The following GRB10 variants were observed in gnomAD, a reference collection of about 807,000 sequenced individuals.
GRB10 encodes the protein growth factor receptor-bound protein 10.
A neutral mutation model predicts 80.9 loss-of-function variants in GRB10; 20 were observed. That is an observed-to-expected ratio of 0.25 (90% CI 0.17 to 0.36). GRB10 has a LOEUF of 0.36. GRB10 is among the 10% of genes least tolerant of loss of function. The pLI is 1.00. For synonymous variants in GRB10, 291 were observed against 291.5 expected (o/e 1.00, Z 0.02); for missense variants, 548 against 747.7 (o/e 0.73, Z 3.12).
intron 17 of GRB10, among the ~76,000 whole-genome samples, chr7:50,599,183 G>A (rs1310645213): frequency 1.3e-5 from 2 of 152,188 alleles, no homozygotes; most frequent in Non-Finnish European, 2.9e-5. Context: ...GGTGGGGACG[G>A]GGATGGGAGG....
In GRB10 at chr7:50,766,844, C is replaced by T. The variant is rs557887710; in HGVS notation, c.-216-10788G>A. Among the ~76,000 whole-genome samples the T allele has an allele frequency of 3.3e-5, 5 of 152,336 alleles. No individual in the cohort carries two copies. In the South Asian group the frequency reaches 1.0e-3, roughly 32 times the overall value. On this transcript the variant is annotated intron_variant, in intron 2 of 18. Coordinates refer to ENST00000401949, the MANE Select transcript of GRB10 (RefSeq NM_001350814.2). ...CATTAGTACATTCAGTAAGTAACTACTGTGTGTTCTAGGTTTTCAGGGTAA... is the reference window on the plus strand; with the variant it reads ...CATTAGTACATTCAGTAAGTAACTATTGTGTGTTCTAGGTTTTCAGGGTAA...
At chr7:50,630,651 C>T (rs562754572) in intron 7 of GRB10, among the ~76,000 whole-genome samples, 1 of 152,326 alleles carries the variant, frequency 6.6e-6, no homozygotes, top group South Asian at 2.1e-4. Context: ...AGAAAAGCCA[C>T]CCCTCAAATC....
chr7:50,708,521 G>T (rs891393247), intron 4 of GRB10, among the ~76,000 whole-genome samples: 1 of 152,152 alleles, frequency 6.6e-6, no homozygotes, highest in African/African-American at 2.4e-5. Context: ...CCAGGTGCAG[G>T]GTAATGAACA....
intron 3 of GRB10, among the ~76,000 whole-genome samples, chr7:50,733,966 T>C (rs552731651): frequency 6.6e-6 from 1 of 152,352 alleles, no homozygotes; most frequent in Admixed American, 6.5e-5. Flanking sequence ...AAACTCCTGC[T>C]TGAGTTTCCA....
At chr7:50,709,731 A>G (rs1033604098) in intron 4 of GRB10, among the ~76,000 whole-genome samples, 2 of 152,024 alleles carry the variant, frequency 1.3e-5, no homozygotes, top group African/African-American at 4.8e-5. Context: ...GAAAATGGTG[A>G]GCTGTGCTGT....
intron 3 of GRB10, among the ~76,000 whole-genome samples, chr7:50,751,591 C>T (rs1341619652): frequency 6.6e-6 from 1 of 152,188 alleles, no homozygotes; most frequent in East Asian, 1.9e-4. Context: ...CAAAGGGGCA[C>T]TGGGAAGTGT....
intron 7 of GRB10, among the ~76,000 whole-genome samples, chr7:50,640,589 G>C (rs1193880463): frequency 6.6e-6 from 1 of 152,198 alleles, no homozygotes; most frequent in East Asian, 1.9e-4. Flanking sequence ...CCTTGAGTCA[G>C]ACATTGCTAC....
rs1405753144 is a variant in GRB10 at position 50,591,149 on chromosome 7, T to C, written c.*1803A>G. 1 of 152,256 alleles carries C rather than the reference T, an allele frequency of 6.6e-6. No homozygotes were observed. Among genetic ancestry groups the C allele is most frequent in the Non-Finnish European group, 1.5e-5 (1 of 68,044 alleles). The allele number at this position is 152,256 out of a possible 1,614,324, so 9.4% of individuals were successfully genotyped here. On this transcript the variant is annotated 3_prime_UTR_variant, in exon 19 of 19. Transcript: ENST00000401949. ...ACTGTCAATAGTTTGAAAGACTGAC[T>C]GGCTGCGAAAGGAAGAAAATGCAAT...
intron 5 of GRB10, among the ~76,000 whole-genome samples, chr7:50,700,358 G>A (rs1005979036): frequency 2.0e-5 from 3 of 151,968 alleles, no homozygotes; most frequent in Non-Finnish European, 2.9e-5. Context: ...CAGTTTTCTT[G>A]ATGCTGTTTT....
chr7:50,785,001 G>A (rs2078633901), upstream of GRB10, among the ~76,000 whole-genome samples: 1 of 152,228 alleles, frequency 6.6e-6, no homozygotes, highest in Admixed American at 6.5e-5. Flanking sequence ...AGGGACACAG[G>A]TCTCTGGACC....
At chr7:50,697,590 C>A (rs2063597159) in intron 5 of GRB10, among the ~76,000 whole-genome samples, 1 of 152,194 alleles carries the variant, frequency 6.6e-6, no homozygotes. Flanking sequence ...AGGATCCAGG[C>A]CACTCTGGAT....
intron 8 of GRB10, among the ~76,000 whole-genome samples, chr7:50,622,054 G>C (rs1030711386): frequency 6.6e-6 from 1 of 152,160 alleles, no homozygotes; most frequent in Non-Finnish European, 1.5e-5. Flanking sequence ...TGCAGCCCTT[G>C]GGCCACTCCC....
chr7:50,708,222 G>A (rs1169917077), intron 4 of GRB10, among the ~76,000 whole-genome samples: 1 of 152,188 alleles, frequency 6.6e-6, no homozygotes. Flanking sequence ...ATGGCAGTAA[G>A]AACAAAATTT....
At chr7:50,747,415 G>C (rs1487075333) in intron 3 of GRB10, among the ~76,000 whole-genome samples, 4 of 152,178 alleles carry the variant, frequency 2.6e-5, no homozygotes, top group Admixed American at 1.3e-4. Flanking sequence ...CTTTCTTCCA[G>C]TGCTTCTTTG....
chr7:50,768,952 G>A (rs79078944), intron 2 of GRB10, among the ~76,000 whole-genome samples: 1,709 of 152,278 alleles, frequency 0.011, 25 homozygotes, highest in African/African-American at 0.038. Flanking sequence ...GCCAAAGGGA[G>A]AAAAGTGGAG....
chr7:50,637,286 A>G (rs1396005018), intron 7 of GRB10, among the ~76,000 whole-genome samples: 1 of 152,192 alleles, frequency 6.6e-6, no homozygotes, highest in Non-Finnish European at 1.5e-5. Context: ...GAAAACCCTA[A>G]AGACACTTCC....
chr7:50,778,858 G>T (rs954385492), intron 2 of GRB10, among the ~76,000 whole-genome samples: 2 of 152,328 alleles, frequency 1.3e-5, no homozygotes, highest in Admixed American at 6.5e-5. Context: ...ATTCTTAAAA[G>T]AAGGCAGGTG....
chr7:50,743,401 T>G (rs1238650448), intron 3 of GRB10, among the ~76,000 whole-genome samples: 1 of 152,282 alleles, frequency 6.6e-6, no homozygotes, highest in Admixed American at 6.5e-5. Flanking sequence ...ATCTTGAATC[T>G]GTTTCAATGG....
chr7:50,702,331 C>T (rs376735310), intron 5 of GRB10, among the ~76,000 whole-genome samples: 104 of 152,354 alleles, frequency 6.8e-4, no homozygotes, highest in African/African-American at 2.4e-3. Flanking sequence ...CAGTCACTGC[C>T]GGAGAAGGGA....
Sources: allele counts gnomAD v4.1 joint callset (sites outside exome capture counted in the v4.1 genomes callset), GRCh38; gene constraint gnomAD v4.1.1; transcripts MANE v1.5; gene names NCBI Gene and HGNC (gene_info 2026-07-23, HGNC 2026-07-21).